The following CTBS variants were observed in gnomAD, a reference collection of about 807,000 sequenced individuals.
CTBS encodes the protein di-N-acetylchitobiase.
In CTBS, 35 loss-of-function variants were observed where a neutral mutation model predicts 44.3. That is an observed-to-expected ratio of 0.79 (90% CI 0.60 to 1.05). The LOEUF (loss-of-function observed/expected upper bound fraction) is 1.05, where lower values mean the gene tolerates loss of function less well. Among genes scored for constraint, CTBS ranks in the 50% least tolerant of loss-of-function variants. CTBS has a pLI of 0.00. For synonymous variants in CTBS, 143 were observed against 168.0 expected (o/e 0.85, Z 1.15); for missense variants, 458 against 475.3 (o/e 0.96, Z 0.34).
At chr1:84,572,309 A>G (rs1267423475) in intron 1 of CTBS, among the ~76,000 whole-genome samples, 2 of 152,276 alleles carry the variant, frequency 1.3e-5, no homozygotes, top group East Asian at 3.9e-4. Context: ...ATAAAAATTC[A>G]TAATGTGAAA....
chr1:84,559,615 C>T lies in CTBS; in HGVS notation c.957+3642G>A, dbSNP rs1441766713. Among the ~76,000 whole-genome samples the T allele has an allele frequency of 2.6e-5, 4 of 151,876 alleles. 1 individual carries two copies. Among genetic ancestry groups the T allele is most frequent in the Middle Eastern group, 6.4e-3 (2 of 312 alleles). On this transcript the variant is annotated intron_variant, in intron 6 of 6. Coordinates refer to ENST00000370630, the MANE Select transcript of CTBS (RefSeq NM_004388.3). ...CCAGCCTGGGTGACGGAGCGATACT[C>T]CATCTCAGAAAAAAAAGACTTAATA...
Position 84,574,339 on chromosome 1 carries a change from G to A in CTBS, c.77C>T (p.Ala26Val). Residue 26 changes from alanine (A) to valine (V), a missense_variant, in exon 1 of 7, where the codon GCG becomes GTG. Coordinates refer to ENST00000370630, the MANE Select transcript of CTBS (RefSeq NM_004388.3). Reference protein sequence around the residue: ...PSGVPGLALLALLALLALRLA... With the variant: ...PSGVPGLALLVLLALLALRLA... ...CCGCAGCGCCAGCAGCGCCAGCAGCGCCAGCAGCGCTAGACCCGGGACGCC... is the reference window on the plus strand; with the variant it reads ...CCGCAGCGCCAGCAGCGCCAGCAGCACCAGCAGCGCTAGACCCGGGACGCC... 1.3e-6 allele frequency: 2 copies of A among 1,573,252 alleles called. No homozygotes were observed. Among genetic ancestry groups the A allele is most frequent in the Non-Finnish European group, 1.7e-6 (2 of 1,160,132 alleles).
intron 6 of CTBS, among the ~76,000 whole-genome samples, chr1:84,557,984 G>A (rs959824247): frequency 2.0e-5 from 3 of 151,904 alleles, no homozygotes; most frequent in African/African-American, 7.3e-5. Flanking sequence ...TTTCTTCATA[G>A]AAACAGAGTA....
intron 4 of CTBS, 92 bp downstream of exon 4, chr1:84,565,749 C>T: frequency 1.5e-6 from 1 of 669,778 alleles, no homozygotes; most frequent in Non-Finnish European, 2.1e-6. Context: ...AAAACGTATA[C>T]ATATAACTTA....
chr1:84,570,726 A>G lies in CTBS; in HGVS notation c.178-6T>C, dbSNP rs373347797. 1.2e-6 allele frequency: 2 copies of G among 1,610,860 alleles called. No homozygotes were observed. Among genetic ancestry groups the G allele is most frequent in the African/African-American group, 1.3e-5 (1 of 74,740 alleles). On this transcript the variant is annotated splice_polypyrimidine_tract_variant and splice_region_variant and intron_variant, in intron 1 of 6. Coordinates refer to ENST00000370630, the MANE Select transcript of CTBS (RefSeq NM_004388.3). The stretch of plus-strand genomic sequence containing the variant: ...CCAACATCAAACACAAAGACCTGCC[A>G]GAACAAAGATGAGCACCATCATTTA...
At chr1:84,572,805 A>G (rs921336498) in intron 1 of CTBS, among the ~76,000 whole-genome samples, 3 of 151,824 alleles carry the variant, frequency 2.0e-5, no homozygotes, top group African/African-American at 7.3e-5. Context: ...CAGCCTCCCA[A>G]GTAGTTCGGA....
Position 84,551,543 on chromosome 1 carries a change from ATTTAAT to A in CTBS, c.*3450_*3455del, listed in dbSNP as rs1684273102. 6.5e-6 allele frequency: 1 copy of A among 154,710 alleles called. No homozygotes were observed. Among genetic ancestry groups the A allele is most frequent in the Non-Finnish European group, 1.4e-5 (1 of 70,428 alleles). 9.6% of individuals were successfully genotyped at this position (154,710 alleles called of 1,614,324 possible). ...ACTGAGGAACTGAATTTTAAATTTTATTTAATTTTAGTTAATTTAAGTTTAGTAGTT... is the reference window on the plus strand; with the variant it reads ...ACTGAGGAACTGAATTTTAAATTTTATTTAGTTAATTTAAGTTTAGTAGTT... On this transcript the variant is annotated 3_prime_UTR_variant, in exon 7 of 7. Coordinates refer to ENST00000370630, the MANE Select transcript of CTBS (RefSeq NM_004388.3).
chr1:84,562,783 A>T (rs548119027), intron 6 of CTBS, among the ~76,000 whole-genome samples: 113 of 152,214 alleles, frequency 7.4e-4, no homozygotes, highest in Admixed American at 2.5e-3. Context: ...TAATTATAAA[A>T]TAAATTGAAA....
Position 84,551,151 on chromosome 1 carries a change from T to G in CTBS, c.*3848A>C. ...GTGAAGTACATATGTATTAAAAAGCTTTTTTGTTGAACAGAAAACAGAAGA... is the reference window on the plus strand; with the variant it reads ...GTGAAGTACATATGTATTAAAAAGCGTTTTTGTTGAACAGAAAACAGAAGA... On this transcript the variant is annotated 3_prime_UTR_variant, in exon 7 of 7. Coordinates refer to ENST00000370630, the MANE Select transcript of CTBS (RefSeq NM_004388.3). 1.0e-6 allele frequency: 1 copy of G among 985,196 alleles called. No individual in the cohort carries two copies. Among genetic ancestry groups the G allele is most frequent in the Non-Finnish European group, 1.2e-6 (1 of 829,786 alleles). The allele number at this position is 985,196 out of a possible 1,614,324, so 61.0% of individuals were successfully genotyped here. A position where few individuals can be genotyped will look rare whatever the true frequency, so the allele number is the denominator to read the frequency against.
chr1:84,566,965 C>T (rs1364223954), intron 3 of CTBS, among the ~76,000 whole-genome samples: 4 of 152,190 alleles, frequency 2.6e-5, no homozygotes, highest in African/African-American at 7.2e-5. Flanking sequence ...CAGCCTTCAA[C>T]AAGAATGTGT....
At chr1:84,561,798 T>A (rs1047596584) in intron 6 of CTBS, among the ~76,000 whole-genome samples, 3 of 152,242 alleles carry the variant, frequency 2.0e-5, no homozygotes, top group African/African-American at 7.2e-5. Context: ...CGTTATCATT[T>A]TTTTAGCAAT....
At chr1:84,561,253 T>C (rs1422751815) in intron 6 of CTBS, among the ~76,000 whole-genome samples, 1 of 152,098 alleles carries the variant, frequency 6.6e-6, no homozygotes, top group Non-Finnish European at 1.5e-5. Flanking sequence ...ATGGATGACA[T>C]TGAGGGGTTC....
intron 1 of CTBS, among the ~76,000 whole-genome samples, chr1:84,573,495 T>G (rs537097100): frequency 2.1e-4 from 32 of 152,380 alleles, no homozygotes; most frequent in Non-Finnish European, 4.3e-4. Flanking sequence ...ATATACTTTT[T>G]TACTGGCATC....
rs747885910 is a variant in CTBS at position 84,563,386 on chromosome 1, G to A, written c.828C>T (p.Phe276=). 6.3e-7 allele frequency: 1 copy of A among 1,576,198 alleles called. No individual in the cohort carries two copies. Among genetic ancestry groups the A allele is most frequent in the Middle Eastern group, 1.7e-4 (1 of 5,890 alleles). Reference sequence around the variant, plus strand: ...CAGCGTCACTACAAGGAGCCCCCCGGAAAGGGACTTTTGCAATGGTACAAA... The same window carrying A: ...CAGCGTCACTACAAGGAGCCCCCCGAAAAGGGACTTTTGCAATGGTACAAA... ...DHVCTIAKVP[F]RGAPCSDAAG... The change falls in exon 6 of 7, where the codon TTC becomes TTT. Residue 276 remains phenylalanine, a synonymous_variant. Coordinates refer to ENST00000370630, the MANE Select transcript of CTBS (RefSeq NM_004388.3).
At chr1:84,565,806 A>C (rs1684688110) in intron 4 of CTBS, 35 bp downstream of exon 4, 1 of 1,148,910 alleles carries the variant, frequency 8.7e-7, no homozygotes, top group Non-Finnish European at 1.2e-6. Flanking sequence ...AATATTATTA[A>C]TATTATTAAT....
intron 1 of CTBS, among the ~76,000 whole-genome samples, chr1:84,571,417 G>A (rs1647295940): frequency 6.6e-6 from 1 of 152,208 alleles, no homozygotes; most frequent in African/African-American, 2.4e-5. Context: ...ACTGCAGATG[G>A]AGCCATAAAT....
chr1:84,563,072 A>G (rs111700107), intron 6 of CTBS, among the ~76,000 whole-genome samples, 185 bp downstream of exon 6: 83 of 152,290 alleles, frequency 5.5e-4, no homozygotes, highest in African/African-American at 1.8e-3. Flanking sequence ...CAAAACTCCA[A>G]TTGCTCGCCA....
Position 84,574,006 on chromosome 1 carries a change from TC to T in CTBS, c.177+232del. 2.2e-6 allele frequency: 3 copies of T among 1,391,810 alleles called. No individual in the cohort carries two copies. The South Asian group carries it at 5.0e-5, about 23-fold the overall frequency. 86.2% of individuals were successfully genotyped at this position (1,391,810 alleles called of 1,614,324 possible). On this transcript the variant is annotated intron_variant, in intron 1 of 6. Coordinates refer to ENST00000370630, the MANE Select transcript of CTBS (RefSeq NM_004388.3). ...CTTAGGAGGCAGATCTGGTTTGAAC[TC>T]TCGCCTGCCTACGCAGGCACTTACA...
Position 84,574,308 on chromosome 1 carries a change from C to A in CTBS, c.108G>T (p.Ala36=), listed in dbSNP as rs1328246264. The A allele has an allele frequency of 1.9e-6, 3 of 1,550,562 alleles. No individual in the cohort carries two copies. Among genetic ancestry groups the A allele is most frequent in the Admixed American group, 2.0e-5 (1 of 50,428 alleles). The change falls in exon 1 of 7, where the codon GCG becomes GCT. Residue 36 remains alanine, a synonymous_variant. Transcript: ENST00000370630. The part of the protein sequence containing the change: ...ALLALLALRL[A]AGTDCPCPEP... The stretch of plus-strand genomic sequence containing the variant: ...CCGGGCATGGGCAGTCGGTCCCGGC[C>A]GCGAGCCGCAGCGCCAGCAGCGCCA...
Sources: gnomAD v4.1 joint callset for allele counts (sites outside exome capture counted in the v4.1 genomes callset) on GRCh38, gnomAD v4.1.1 for gene constraint, MANE v1.5 for transcripts, NCBI Gene and HGNC (gene_info 2026-07-23, HGNC 2026-07-21) for gene names.